The following SDHB variants were observed in gnomAD, a reference collection of about 807,000 sequenced individuals.
The protein encoded by SDHB is succinate dehydrogenase complex iron sulfur subunit B.
In SDHB, 21 loss-of-function variants were observed where a neutral mutation model predicts 39.7. The ratio of observed to expected loss-of-function variants is 0.53; its 90% confidence interval spans 0.37 to 0.76. SDHB has a LOEUF of 0.76. Ranked by LOEUF, SDHB falls within the 30% of genes least tolerant of loss-of-function variation. The probability of loss-of-function intolerance (pLI) is 0.00; values close to 1 mark genes in which losing one functional copy is unlikely to be tolerated. For synonymous variants in SDHB, 118 were observed against 117.0 expected (o/e 1.01, Z -0.06); for missense variants, 343 against 350.9 (o/e 0.98, Z 0.18).
chr1:17,022,679 C>T lies in SDHB; in HGVS notation c.694G>A (p.Ala232Thr). The T allele has an allele frequency of 1.2e-6, 2 of 1,613,958 alleles. No homozygotes were observed. Among genetic ancestry groups the T allele is most frequent in the South Asian group, 2.2e-5 (2 of 91,072 alleles). ...SRDDFTEERL[A>T]KLQDPFSLYR... ...AGAGAGAATGGGTCCTGCAGCTTGG[C>T]CAGGCGCTCCTCTGTGAAGTCATCT... The change falls in exon 7 of 8, where the codon GCC becomes ACC. Residue 232 changes from alanine to threonine, a missense_variant. Transcript: ENST00000375499.
chr1:17,022,572 T>G, intron 7 of SDHB, 36 bp downstream of exon 7: 2 of 1,612,494 alleles, frequency 1.2e-6, no homozygotes, highest in Non-Finnish European at 1.7e-6. Flanking sequence ...GCGTGTCAGC[T>G]CTGAGGCAGA....
intron 1 of SDHB, among the ~76,000 whole-genome samples, chr1:17,050,914 G>A (rs2295059): frequency 0.43 from 64,821 of 151,958 alleles, 15,294 homozygotes; most frequent in Non-Finnish European, 0.54. Context: ...TGTCACACAC[G>A]GTGCCAAATA....
At chr1:17,031,809 G>A (rs900353922) in intron 3 of SDHB, among the ~76,000 whole-genome samples, 5 of 152,112 alleles carry the variant, frequency 3.3e-5, no homozygotes, top group Non-Finnish European at 1.5e-5. Flanking sequence ...TTTTATCCCA[G>A]GTGTTCCAAG....
intron 5 of SDHB, among the ~76,000 whole-genome samples, chr1:17,026,257 A>G (rs1557740603): frequency 6.6e-6 from 1 of 152,236 alleles, no homozygotes; most frequent in Non-Finnish European, 1.5e-5. Flanking sequence ...TGAGAAGAGC[A>G]GCTCTGAAGT....
chr1:17,025,974 C>A (rs1456510048), intron 5 of SDHB, among the ~76,000 whole-genome samples: 2 of 152,142 alleles, frequency 1.3e-5, no homozygotes, highest in African/African-American at 2.4e-5. Flanking sequence ...AAGTGTAAGG[C>A]AAATATTCCA....
At chr1:17,021,513 G>A (rs1474266732) in intron 7 of SDHB, among the ~76,000 whole-genome samples, 1 of 152,146 alleles carries the variant, frequency 6.6e-6, no homozygotes, top group Non-Finnish European at 1.5e-5. Flanking sequence ...GGGAGGCCAA[G>A]GTGGGTGGAT....
intron 2 of SDHB, among the ~76,000 whole-genome samples, chr1:17,034,790 G>A (rs1264644118): frequency 3.3e-5 from 5 of 152,202 alleles, no homozygotes; most frequent in African/African-American, 1.2e-4. Flanking sequence ...CTGGAGAAGT[G>A]TTATTGTTTT....
chr1:17,036,807 T>TAC lies in SDHB; in HGVS notation c.201-3664_201-3663dup, dbSNP rs552089019. ...AAATACATATATAAATATATATGTA[T>TAC]ACACACACACACACACATTTTTTCT... On this transcript the variant is annotated intron_variant, in intron 2 of 7. Coordinates refer to ENST00000375499, the MANE Select transcript of SDHB (RefSeq NM_003000.3). Among the ~76,000 whole-genome samples, 788 of 147,564 alleles carry TAC rather than the reference T, an allele frequency of 5.3e-3. 10 individuals are homozygous for TAC. Among genetic ancestry groups the TAC allele is most frequent in the Middle Eastern group, 0.011 (3 of 280 alleles).
intron 2 of SDHB, among the ~76,000 whole-genome samples, chr1:17,041,724 A>G (rs1268327059): frequency 6.6e-6 from 1 of 152,164 alleles, no homozygotes; most frequent in Non-Finnish European, 1.5e-5. Context: ...TCTGGATTGC[A>G]TTATGTTTTT....
chr1:17,026,531 A>C (rs2077992715), intron 5 of SDHB, among the ~76,000 whole-genome samples: 1 of 151,136 alleles, frequency 6.6e-6, no homozygotes, highest in South Asian at 2.1e-4. Context: ...CACTCAGCTA[A>C]TTTTTGTATT....
intron 1 of SDHB, 129 bp downstream of exon 1, chr1:17,053,819 A>T: frequency 2.8e-6 from 2 of 722,450 alleles, no homozygotes; most frequent in Non-Finnish European, 2.5e-6. Context: ...GCACTGCACC[A>T]GGGGGAGGAG....
In SDHB at chr1:17,033,070, T is replaced by C; in HGVS notation, c.276A>G (p.Ser92=). Residue 92 remains serine (S), a synonymous_variant, in exon 3 of 8, where the codon TCA becomes TCG. Coordinates refer to ENST00000375499, the MANE Select transcript of SDHB (RefSeq NM_003000.3). ...GAATGAAATGCTCACCTTCTCTGCATGATCTTCGGAAGGTCAAAGTAGAGT... is the reference window on the plus strand; with the variant it reads ...GAATGAAATGCTCACCTTCTCTGCACGATCTTCGGAAGGTCAAAGTAGAGT... ...EVDSTLTFRR[S]CREGICGSCA... 1 of 1,613,282 alleles carries C rather than the reference T, an allele frequency of 6.2e-7. No individual in the cohort carries two copies. The highest frequency in any genetic ancestry group is 8.5e-7 in the Non-Finnish European group (1 of 1,179,166).
rs397835910 is a variant in SDHB, at chr1:17,049,647, C to CTTTTTTTTTTTTTTTTTTTTTTTT, written c.72+4277_72+4300dup. ...GGGACTGGAGCATAATCCCCTAGTT[C>CTTTTTTTTTTTTTTTTTTTTTTTT]TTTTTTTTTTTTTTTTTTTTTTTTT... On this transcript the variant is annotated intron_variant, in intron 1 of 7. Transcript: ENST00000375499. Among the ~76,000 whole-genome samples, 11 of 52,066 alleles carry CTTTTTTTTTTTTTTTTTTTTTTTT rather than the reference C, an allele frequency of 2.1e-4. 2 individuals carry two copies. The highest frequency in any genetic ancestry group is 7.9e-4 in the African/African-American group (8 of 10,178). 34.2% of individuals were successfully genotyped at this position (52,066 alleles called of 152,430 possible).
At chr1:17,033,293 T>C (rs2078033353) in intron 2 of SDHB, 148 bp from the exon 3 acceptor site, 3 of 699,176 alleles carry the variant, frequency 4.3e-6, no homozygotes, top group African/African-American at 1.8e-5. Flanking sequence ...GTTTTGTTTT[T>C]GCAGATTCTT....
intron 1 of SDHB, among the ~76,000 whole-genome samples, chr1:17,046,016 T>G (rs11582579): frequency 0.42 from 64,058 of 152,132 alleles, 15,139 homozygotes; most frequent in Non-Finnish European, 0.54. Context: ...CTAAAAACCT[T>G]GACGACTTGT....
chr1:17,049,015 T>C (rs2078128424), intron 1 of SDHB, among the ~76,000 whole-genome samples: 1 of 152,074 alleles, frequency 6.6e-6, no homozygotes. Context: ...CCGGCCTTTA[T>C]TTTTTATTTT....
intron 1 of SDHB, among the ~76,000 whole-genome samples, chr1:17,047,910 G>A (rs1201469284): frequency 1.3e-5 from 2 of 151,880 alleles, no homozygotes; most frequent in Non-Finnish European, 2.9e-5. Context: ...TGAACTCCTG[G>A]CCCCAAGTGA....
chr1:17,038,062 C>A (rs765192156), intron 2 of SDHB, among the ~76,000 whole-genome samples: 10 of 152,158 alleles, frequency 6.6e-5, no homozygotes, highest in Non-Finnish European at 1.0e-4. Context: ...TTGCTTGAAT[C>A]CGGGAGGCGG....
intron 5 of SDHB, among the ~76,000 whole-genome samples, chr1:17,026,375 TTTTC>T (rs144600915): frequency 0.15 from 23,078 of 151,902 alleles, 2,625 homozygotes; most frequent in African/African-American, 0.32. Context: ...TCTTTTCTTT[TTTTC>T]TTTGAGACGG....
Sources: allele counts gnomAD v4.1 joint callset (sites outside exome capture counted in the v4.1 genomes callset), GRCh38; gene constraint gnomAD v4.1.1; transcripts MANE v1.5; gene names NCBI Gene and HGNC (gene_info 2026-07-23, HGNC 2026-07-21).